Variants in EXD2 observed in about 807,000 individuals in gnomAD.
EXD2 encodes exonuclease 3'-5' domain-containing protein 2.
Under a neutral mutation model 62.5 loss-of-function variants are expected in EXD2, and 40 were observed. That is an observed-to-expected ratio of 0.64 (90% CI 0.50 to 0.83). The LOEUF (loss-of-function observed/expected upper bound fraction) is 0.83. Ranked by LOEUF, EXD2 falls within the 40% of genes least tolerant of loss-of-function variation. The pLI is 0.00. For synonymous variants in EXD2, 239 were observed against 291.9 expected, an observed-to-expected ratio of 0.82 and a Z score of 1.85; for missense variants, 671 against 761.8, an observed-to-expected ratio of 0.88 and a Z score of 1.40.
intron 1 of EXD2, among the ~76,000 whole-genome samples, chr14:69,201,340 C>T (rs774907307): frequency 6.6e-6 from 1 of 151,896 alleles, no homozygotes; most frequent in South Asian, 2.1e-4. Flanking sequence ...AAGCACATGC[C>T]ACAATGCCTG....
At chr14:69,225,560 A>G (rs2043329304) in intron 3 of EXD2, among the ~76,000 whole-genome samples, 1 of 152,234 alleles carries the variant, frequency 6.6e-6, no homozygotes, top group Non-Finnish European at 1.5e-5. Context: ...AAATATATAT[A>G]GTATATGTCT....
intron 3 of EXD2, among the ~76,000 whole-genome samples, chr14:69,223,278 C>T (rs1194857925): frequency 1.3e-5 from 2 of 152,116 alleles, no homozygotes; most frequent in Non-Finnish European, 2.9e-5. Context: ...GCCTACTTGA[C>T]ATCTCTCCTT....
intron 9 of EXD2, 120 bp from the exon 10 acceptor site, chr14:69,240,760 GTAAC>G (rs1422013609): frequency 1.4e-5 from 10 of 721,968 alleles, no homozygotes; most frequent in African/African-American, 7.1e-5. Flanking sequence ...AAACACCAAA[GTAAC>G]TAACCCTTTA....
intron 3 of EXD2, among the ~76,000 whole-genome samples, chr14:69,222,353 T>A (rs891458771): frequency 6.6e-6 from 1 of 152,184 alleles, no homozygotes. Flanking sequence ...TCTGTTCTCT[T>A]GGATATAATT....
intron 3 of EXD2, among the ~76,000 whole-genome samples, chr14:69,220,216 C>G (rs998915566): frequency 1.4e-5 from 2 of 144,718 alleles, no homozygotes; most frequent in Non-Finnish European, 3.0e-5. Flanking sequence ...ATGCCAGTCT[C>G]AGACACCATC....
intron 1 of EXD2, chr14:69,196,335 A>C (rs1468480923): frequency 6.6e-6 from 1 of 152,242 alleles, no homozygotes; most frequent in African/African-American, 2.4e-5. Flanking sequence ...TTAGACCTTC[A>C]ACATATCTTT....
chr14:69,234,960 G>A lies in EXD2; in HGVS notation c.978G>A (p.Val326=). 1 of 1,613,594 alleles carries A rather than the reference G, an allele frequency of 6.2e-7. No homozygotes were observed. The highest frequency in any genetic ancestry group is 2.2e-5 in the East Asian group (1 of 44,878). ...AGAAGTCTAAGATGGATGGGATGGTGCCAGGCAACCACCAAGGGAGAGACC... is the reference window on the plus strand; with the variant it reads ...AGAAGTCTAAGATGGATGGGATGGTACCAGGCAACCACCAAGGGAGAGACC... ...RNKKSKMDGM[V]PGNHQGRDPR... Residue 326 remains valine, a synonymous_variant, in exon 6 of 10, where the codon GTG becomes GTA. Transcript: ENST00000685843.
intron 5 of EXD2, among the ~76,000 whole-genome samples, chr14:69,232,329 G>A (rs1475976950): frequency 6.6e-6 from 1 of 152,132 alleles, no homozygotes. Flanking sequence ...CAGATACCTG[G>A]TGTCTCCATT....
Position 69,234,727 on chromosome 14 carries a change from A to C in EXD2, c.745A>C (p.Ile249Leu). The C allele has an allele frequency of 1.2e-6, 2 of 1,613,216 alleles. No individual in the cohort carries two copies. Among genetic ancestry groups the C allele is most frequent in the Non-Finnish European group, 1.7e-6 (2 of 1,179,532 alleles). The change falls in exon 6 of 10, where the codon ATT becomes CTT. Residue 249 changes from isoleucine to leucine, a missense_variant. By Grantham distance (5) the Ile-to-Leu change is conservative. Transcript: ENST00000685843. Reference protein sequence around the residue: ...QVIYAARDAQISVALFLHLLG... With the variant: ...QVIYAARDAQLSVALFLHLLG... ...AATTTATGCTGCCAGGGATGCCCAG[A>C]TTTCAGTGGCTCTCTTTCTTCATCT...
intron 1 of EXD2, among the ~76,000 whole-genome samples, chr14:69,193,348 C>G (rs2042098028): frequency 6.6e-6 from 1 of 152,172 alleles, no homozygotes; most frequent in Non-Finnish European, 1.5e-5. Flanking sequence ...CGTGAGCCAC[C>G]GTGTCTGGCC....
rs371728770 is a variant in EXD2, at chr14:69,228,816, G to A, written c.334G>A (p.Val112Ile). The A allele has an allele frequency of 6.2e-6, 10 of 1,610,600 alleles. No homozygotes were observed. Among genetic ancestry groups the A allele is most frequent in the African/African-American group, 1.3e-5 (1 of 74,942 alleles). ...ACAACCTTGTCTTCCTCTGTTGCAG[G>A]TAAATTTGGAAGGCAAAGCCAGCCC... is the stretch of plus-strand genomic sequence containing the variant. ...FPVLGIDCEW[V>I]NLEGKASPLS... is the part of the protein sequence containing the mutation. Residue 112 changes from valine (V) to isoleucine (I), a missense_variant and splice_region_variant, in exon 4 of 10, where the codon GTA becomes ATA. Coordinates refer to ENST00000685843, the MANE Select transcript of EXD2 (RefSeq NM_001193360.2).
intron 5 of EXD2, among the ~76,000 whole-genome samples, chr14:69,232,251 G>A (rs2043611035): frequency 6.6e-6 from 1 of 152,156 alleles, no homozygotes; most frequent in African/African-American, 2.4e-5. Flanking sequence ...CTGTAAAGGA[G>A]GAGATCAGGG....
rs2044024612 is a variant in EXD2, at chr14:69,243,211, TC to T, written c.*2112del. 1.3e-5 allele frequency: 2 copies of T among 152,222 alleles called. No individual in the cohort carries two copies. Among genetic ancestry groups the T allele is most frequent in the South Asian group, 4.1e-4 (2 of 4,834 alleles). The allele number at this position is 152,222 out of a possible 1,614,324, so 9.4% of individuals were successfully genotyped here. ...CTTTTCCTAAGACTGACAATTGTCG[TC>T]TTAAATCAGAGATTTGAGGGTAGAC... On this transcript the variant is annotated 3_prime_UTR_variant, in exon 10 of 10. Transcript: ENST00000685843.
intron 5 of EXD2, among the ~76,000 whole-genome samples, chr14:69,233,586 C>T (rs1389399586): frequency 6.6e-6 from 1 of 151,162 alleles, no homozygotes; most frequent in Middle Eastern, 3.4e-3. Context: ...ATTACAGGCG[C>T]GTGCCACCGC....
chr14:69,223,078 A>G (rs1295456483), intron 3 of EXD2, among the ~76,000 whole-genome samples: 1 of 152,218 alleles, frequency 6.6e-6, no homozygotes, highest in Non-Finnish European at 1.5e-5. Flanking sequence ...AAGTTTTTAA[A>G]TACGTGGAGA....
chr14:69,215,032 A>G (rs1294011335), intron 3 of EXD2, among the ~76,000 whole-genome samples: 1 of 152,178 alleles, frequency 6.6e-6, no homozygotes, highest in African/African-American at 2.4e-5. Context: ...CTGTAATCTC[A>G]GCACTTTGGG....
rs61469385 is a variant in EXD2 at position 69,215,298 on chromosome 14, ATGTGTGTGTG to A, written c.333+5521_333+5530del. Among the ~76,000 whole-genome samples, 216 of 102,186 alleles carry A rather than the reference ATGTGTGTGTG, an allele frequency of 2.1e-3. 1 individual carries two copies. The highest frequency in any genetic ancestry group is 5.6e-3 in the African/African-American group (207 of 37,216). 67.0% of individuals were successfully genotyped at this position (102,186 alleles called of 152,430 possible). A position where few individuals can be genotyped will look rare whatever the true frequency, so the allele number is the denominator to read the frequency against. On this transcript the variant is annotated intron_variant, in intron 3 of 9. Coordinates refer to ENST00000685843, the MANE Select transcript of EXD2 (RefSeq NM_001193360.2). The stretch of plus-strand genomic sequence containing the variant: ...CAGCGAGACTCCATCTCAAAAATAT[ATGTGTGTGTG>A]TGTGTGTGTGTGTGTGTGTGTGTGT...
intron 9 of EXD2, among the ~76,000 whole-genome samples, chr14:69,240,108 G>A (rs2140056164): frequency 6.6e-6 from 1 of 152,296 alleles, no homozygotes; most frequent in South Asian, 2.1e-4. Context: ...ACACTGCTGG[G>A]GTGGCGGGTG....
intron 3 of EXD2, chr14:69,228,034 C>CTT (rs776673879): frequency 1.3e-5 from 2 of 152,006 alleles, no homozygotes; most frequent in Non-Finnish European, 2.9e-5. Context: ...TTACAGTACT[C>CTT]TATCTTCTAC....
Sources: allele counts gnomAD v4.1 joint callset (sites outside exome capture counted in the v4.1 genomes callset), GRCh38; gene constraint gnomAD v4.1.1; transcripts MANE v1.5; gene names NCBI Gene and HGNC (gene_info 2026-07-23, HGNC 2026-07-21).